WIPF2: variants seen among roughly 807,000 people sequenced by gnomAD.
WIPF2 encodes WAS/WASL-interacting protein family member 2.
WIPF2 carries 23 observed loss-of-function variants against 38.8 expected under a neutral mutation model. The observed-to-expected ratio is 0.59, with a 90% CI of 0.43 to 0.84. The LOEUF is 0.84. Among genes scored for constraint, WIPF2 ranks in the 40% least tolerant of loss-of-function variants. The pLI is 0.00. For synonymous variants in WIPF2, 210 were observed against 223.2 expected (o/e 0.94, Z 0.53); for missense variants, 574 against 580.5 (o/e 0.99, Z 0.11).
chr17:40,236,632 G>A (rs2030980654), intron 1 of WIPF2, among the ~76,000 whole-genome samples: 1 of 127,890 alleles, frequency 7.8e-6, no homozygotes, highest in African/African-American at 3.0e-5. Context: ...TTTTTAAGAC[G>A]GAGTCTCACT....
At chr17:40,268,167 T>C (rs2145397241) in intron 5 of WIPF2, among the ~76,000 whole-genome samples, 1 of 152,280 alleles carries the variant, frequency 6.6e-6, no homozygotes, top group East Asian at 1.9e-4. Context: ...GTAAAGGTTA[T>C]ATCATTAAGT....
intron 2 of WIPF2, 84 bp downstream of exon 2, chr17:40,256,606 T>C: frequency 6.8e-7 from 1 of 1,480,968 alleles, no homozygotes; most frequent in African/African-American, 1.4e-5. Context: ...TTCTTTTAAC[T>C]CCTTTTGGTT....
rs2032607936 is a variant in WIPF2, at chr17:40,284,018, G to A, written c.*5793G>A. 2 of 151,412 alleles carry A rather than the reference G, an allele frequency of 1.3e-5. No homozygotes were observed. Among genetic ancestry groups the A allele is most frequent in the Non-Finnish European group, 2.9e-5 (2 of 67,814 alleles). 9.4% of individuals were successfully genotyped at this position (151,412 alleles called of 1,614,324 possible). A position where few individuals can be genotyped will look rare whatever the true frequency, so the allele number is the denominator to read the frequency against. ...ACCTATGAGGATGAGGGAGGGAGGG[G>A]AAGAAAAAAAAGGACTCCTTTCATT... is the stretch of plus-strand genomic sequence containing the variant. On this transcript the variant is annotated 3_prime_UTR_variant, in exon 8 of 8. Coordinates refer to ENST00000323571, the MANE Select transcript of WIPF2 (RefSeq NM_133264.5).
rs1245856550 is a variant in WIPF2 at position 40,262,602 on chromosome 17, G to A, written c.274G>A (p.Val92Met). The change falls in exon 4 of 8, where the codon GTG becomes ATG. Residue 92 changes from valine to methionine, a missense_variant. Physicochemically the swap from Val to Met is conservative, Grantham distance 21. Coordinates refer to ENST00000323571, the MANE Select transcript of WIPF2 (RefSeq NM_133264.5). ...QPKGGLFQGG[V>M]LKLRPVGAKD... The stretch of plus-strand genomic sequence containing the variant: ...CAAGGGAGGTCTCTTCCAAGGAGGA[G>A]TGCTGAAGCTTCGACCTGTGGGAGC... The A allele has an allele frequency of 6.2e-7, 1 of 1,613,880 alleles. No homozygotes were observed. The highest frequency in any genetic ancestry group is 8.5e-7 in the Non-Finnish European group (1 of 1,179,922).
intron 3 of WIPF2, among the ~76,000 whole-genome samples, chr17:40,261,841 C>T (rs530483155): frequency 4.5e-4 from 67 of 149,316 alleles, no homozygotes; most frequent in East Asian, 1.0e-3. Context: ...CACCTGCCAC[C>T]GCACCCGGCT....
At chr17:40,225,263 C>CTCTT in intron 1 of WIPF2, among the ~76,000 whole-genome samples, 1 of 106,452 alleles carries the variant, frequency 9.4e-6, no homozygotes, top group Admixed American at 9.2e-5. Context: ...TCTTTTCTCA[C>CTCTT]AAGCCATTGA....
chr17:40,257,403 A>G (rs536739988), intron 2 of WIPF2, among the ~76,000 whole-genome samples: 1 of 152,238 alleles, frequency 6.6e-6, no homozygotes, highest in African/African-American at 2.4e-5. Flanking sequence ...TTTGGAATGT[A>G]TTGGTTCGAA....
intron 1 of WIPF2, among the ~76,000 whole-genome samples, chr17:40,240,171 G>A (rs374058429): frequency 6.6e-6 from 1 of 150,948 alleles, no homozygotes; most frequent in African/African-American, 2.4e-5. Context: ...AAGCAATTCT[G>A]CTGCCTCAGC....
intron 1 of WIPF2, among the ~76,000 whole-genome samples, chr17:40,244,914 CTG>C (rs1249311753): frequency 6.6e-6 from 1 of 152,138 alleles, no homozygotes; most frequent in East Asian, 1.9e-4. Flanking sequence ...TTCCCTGTGA[CTG>C]TATTATTTTA....
At chr17:40,275,210 C>G (rs887072534) in intron 6 of WIPF2, among the ~76,000 whole-genome samples, 3 of 139,000 alleles carry the variant, frequency 2.2e-5, no homozygotes, top group African/African-American at 8.2e-5. Flanking sequence ...CACTGCACTC[C>G]AGCCTGGGTG....
Position 40,282,801 on chromosome 17 carries a change from C to G in WIPF2, c.*4576C>G, listed in dbSNP as rs2032579879. On this transcript the variant is annotated 3_prime_UTR_variant, in exon 8 of 8. Transcript: ENST00000323571. ...TAAGTGTAGTGGTTTGATTCCAGGTCCCTTGAAAAAGTAGATCTACTGAAT... is the reference window on the plus strand; with the variant it reads ...TAAGTGTAGTGGTTTGATTCCAGGTGCCTTGAAAAAGTAGATCTACTGAAT... 6.6e-6 allele frequency: 1 copy of G among 152,094 alleles called. No homozygotes were observed. The highest frequency in any genetic ancestry group is 2.1e-4 in the South Asian group (1 of 4,830). The allele number at this position is 152,094 out of a possible 1,614,324, so 9.4% of individuals were successfully genotyped here. A position where few individuals can be genotyped will look rare whatever the true frequency, so the allele number is the denominator to read the frequency against.
intron 2 of WIPF2, among the ~76,000 whole-genome samples, chr17:40,257,832 A>G (rs1431676494): frequency 6.6e-6 from 1 of 151,974 alleles, no homozygotes; most frequent in African/African-American, 2.4e-5. Flanking sequence ...TTCAGAGAAG[A>G]ATAGGCCATG....
At chr17:40,245,416 T>TA (rs2031331980) in intron 1 of WIPF2, among the ~76,000 whole-genome samples, 1 of 151,758 alleles carries the variant, frequency 6.6e-6, no homozygotes, top group Admixed American at 6.6e-5. Context: ...GATCTCAGCT[T>TA]ACTGCAACCT....
In WIPF2 at chr17:40,256,520, C is replaced by CAGGT; in HGVS notation, c.63+5_63+8dup. 1 of 1,595,454 alleles carries CAGGT rather than the reference C, an allele frequency of 6.3e-7. No individual in the cohort carries two copies. Among genetic ancestry groups the CAGGT allele is most frequent in the Non-Finnish European group, 8.5e-7 (1 of 1,169,678 alleles). ...TCCTCCTCCACCTCCCACATTTCATCAGGTAGGTAGTCCTTCCATTAGGCT... is the reference window on the plus strand; with the variant it reads ...TCCTCCTCCACCTCCCACATTTCATCAGGTAGGTAGGTAGTCCTTCCATTAGGCT... On this transcript the variant is annotated frameshift_variant and splice_region_variant, in exon 2 of 8. Coordinates refer to ENST00000323571, the MANE Select transcript of WIPF2 (RefSeq NM_133264.5). LOFTEE classifies it high-confidence loss of function.
chr17:40,272,638 G>C (rs2145408199), intron 5 of WIPF2, among the ~76,000 whole-genome samples: 1 of 152,284 alleles, frequency 6.6e-6, no homozygotes, highest in Middle Eastern at 3.4e-3. Flanking sequence ...GATGGGACTT[G>C]GATTGAACCT....
chr17:40,222,587 T>TGTGTGTGTGTGTGTGTGTGTGTGTG (rs1027492144), intron 1 of WIPF2, among the ~76,000 whole-genome samples: 1 of 146,326 alleles, frequency 6.8e-6, no homozygotes, highest in Non-Finnish European at 1.5e-5. Context: ...GTGTGTGTGT[T>TGTGTGTGTGTGTGTGTGTGTGTGTG]TGTGTGTGTG....
chr17:40,259,018 CAAAAAAAAAAAA>C (rs903377557), intron 2 of WIPF2, among the ~76,000 whole-genome samples: 1 of 34,912 alleles, frequency 2.9e-5, no homozygotes, highest in African/African-American at 1.1e-4. Context: ...AACTCTGTCT[CAAAAAAAAAAAA>C]AAAAAAAAAA....
rs769957588 is a variant in WIPF2, at chr17:40,273,806, A to G, written c.987A>G (p.Pro329=). ...TAATTGCAGCTCCTCCACCCCCACC[A>G]CCTGTGATCCGAAATGGTGCCAGGG... ...PSRGAAPPPP[P]PVIRNGARDA... is the part of the protein sequence containing the mutation. Residue 329 remains proline (P), a synonymous_variant, in exon 6 of 8, where the codon CCA becomes CCG. Coordinates refer to ENST00000323571, the MANE Select transcript of WIPF2 (RefSeq NM_133264.5). The G allele has an allele frequency of 1.2e-6, 2 of 1,602,572 alleles. No homozygotes were observed. Among genetic ancestry groups the G allele is most frequent in the Admixed American group, 3.4e-5 (2 of 59,544 alleles).
intron 1 of WIPF2, chr17:40,220,620 TATATATATA>T (rs2030183919): frequency 7.0e-5 from 7 of 99,804 alleles, no homozygotes; most frequent in Admixed American, 5.6e-4. Context: ...TATATATATG[TATATATATA>T]TATTTTTTTG....
Sources: allele counts gnomAD v4.1 joint callset (sites outside exome capture counted in the v4.1 genomes callset), GRCh38; gene constraint gnomAD v4.1.1; transcripts MANE v1.5; gene names NCBI Gene and HGNC (gene_info 2026-07-23, HGNC 2026-07-21).